The following CLIC5 variants were observed in gnomAD, a reference collection of about 807,000 sequenced individuals.
The protein encoded by CLIC5 is chloride intracellular channel protein 5.
A neutral mutation model predicts 24.7 loss-of-function variants in CLIC5; 20 were observed. The observed-to-expected ratio is 0.81, with a 90% CI of 0.57 to 1.18. CLIC5 has a LOEUF of 1.18. Ranked by LOEUF, CLIC5 falls within the 50% of genes most tolerant of loss-of-function variation. The pLI is 0.00. For missense variants in CLIC5, 341 were observed against 326.1 expected (o/e 1.05, Z -0.35); for synonymous variants, 159 against 135.6 (o/e 1.17, Z -1.20).
chr6:46,050,712 T>C (rs544967520), intron 1 of CLIC5, among the ~76,000 whole-genome samples: 1 of 152,186 alleles, frequency 6.6e-6, no homozygotes, highest in East Asian at 1.9e-4. Flanking sequence ...TGAGACACTT[T>C]TGAGATGGCT....
chr6:45,883,340 C>T (rs747138698), intron 6 of CLIC5, among the ~76,000 whole-genome samples: 1 of 152,164 alleles, frequency 6.6e-6, no homozygotes, highest in East Asian at 1.9e-4. Flanking sequence ...TGGAATCCTT[C>T]ATTTTACTCA....
In CLIC5 at chr6:46,048,547, C is replaced by T. The variant is rs564722716; in HGVS notation, c.540+31156G>A. 2.0e-5 allele frequency among the ~76,000 whole-genome samples: 3 copies of T among 152,136 alleles called. No homozygotes were observed. The South Asian group carries it at 6.2e-4, about 32-fold the overall frequency. On this transcript the variant is annotated intron_variant, in intron 1 of 5. Transcript: ENST00000185206. ...TCTCTTTGCCAGTGGTAAATGGCCT[C>T]CTTTTCTCAAAACTCACCTTGGCTG...
chr6:45,955,712 T>C (rs1238494981), intron 1 of CLIC5, among the ~76,000 whole-genome samples: 1 of 152,114 alleles, frequency 6.6e-6, no homozygotes, highest in Non-Finnish European at 1.5e-5. Context: ...CTAGCCAAAA[T>C]ATGTTCCTCT....
chr6:45,959,670 A>G (rs550507011), intron 1 of CLIC5, among the ~76,000 whole-genome samples: 2 of 152,298 alleles, frequency 1.3e-5, no homozygotes, highest in Admixed American at 1.3e-4. Flanking sequence ...AGTCTGAGTA[A>G]GCATGGTGTG....
chr6:46,014,712 C>T (rs1766934001), intron 1 of CLIC5: 1 of 152,266 alleles, frequency 6.6e-6, no homozygotes, highest in South Asian at 2.1e-4. Context: ...TCCATCCTTC[C>T]TCCTACAGGT....
At chr6:46,070,540 G>C (rs1427566708) in intron 1 of CLIC5, among the ~76,000 whole-genome samples, 1 of 151,944 alleles carries the variant, frequency 6.6e-6, no homozygotes, top group Non-Finnish European at 1.5e-5. Context: ...TTTACAATGA[G>C]AATTATAAAA....
At chr6:45,895,438 G>A (rs72870089), downstream of CLIC5, among the ~76,000 whole-genome samples, 3,098 of 152,224 alleles carry the variant, frequency 0.02, 42 homozygotes, top group Admixed American at 0.035. Flanking sequence ...AGAAGGATTC[G>A]TTCTTCAGAA....
chr6:45,959,831 C>A (rs911257590), intron 1 of CLIC5, among the ~76,000 whole-genome samples: 1 of 152,174 alleles, frequency 6.6e-6, no homozygotes, highest in Admixed American at 6.5e-5. Context: ...TTTCATCAAC[C>A]AGAATGTTTA....
chr6:46,025,004 A>G (rs1414388547), intron 1 of CLIC5, among the ~76,000 whole-genome samples: 1 of 152,182 alleles, frequency 6.6e-6, no homozygotes, highest in Non-Finnish European at 1.5e-5. Flanking sequence ...TACAGAATAA[A>G]AGTTAAAAAA....
At chr6:46,096,244 C>A in the CLIC5 span, among the ~76,000 whole-genome samples, 4 of 152,206 alleles carry the variant, frequency 2.6e-5, no homozygotes, top group African/African-American at 9.6e-5. Flanking sequence ...CACCTCCCAC[C>A]AGCCCTCACC....
chr6:45,946,914 G>A (rs1218444618), intron 3 of CLIC5, among the ~76,000 whole-genome samples: 1 of 152,224 alleles, frequency 6.6e-6, no homozygotes, highest in Non-Finnish European at 1.5e-5. Context: ...CCTGAGAGTA[G>A]TGGATTGTTA....
At chr6:45,992,607 C>T (rs1190338003) in intron 1 of CLIC5, among the ~76,000 whole-genome samples, 1 of 152,064 alleles carries the variant, frequency 6.6e-6, no homozygotes, top group Non-Finnish European at 1.5e-5. Context: ...GCATGGGTGG[C>T]CTGTATGTGA....
intron 1 of CLIC5, among the ~76,000 whole-genome samples, chr6:46,042,892 A>G (rs1767847125): frequency 6.6e-6 from 1 of 152,180 alleles, no homozygotes; most frequent in African/African-American, 2.4e-5. Flanking sequence ...GTGCTCTACT[A>G]CATGCCTCCC....
intron 1 of CLIC5, among the ~76,000 whole-genome samples, chr6:46,060,834 A>G (rs768868320): frequency 5.3e-5 from 8 of 152,186 alleles, no homozygotes; most frequent in Non-Finnish European, 8.8e-5. Context: ...TGAGCATTAT[A>G]TGCTCTAGAA....
At chr6:46,092,996 C>T in the CLIC5 span, among the ~76,000 whole-genome samples, 53 of 152,224 alleles carry the variant, frequency 3.5e-4, no homozygotes, top group African/African-American at 1.2e-3. Flanking sequence ...TTGTCTCTTA[C>T]CCCTCCCCAA....
chr6:46,014,197 G>GTT (rs1766909296), intron 1 of CLIC5: 2 of 152,232 alleles, frequency 1.3e-5, no homozygotes, highest in African/African-American at 4.8e-5. Flanking sequence ...ACAAACCTTT[G>GTT]TGGTAGGCTG....
chr6:46,006,057 TACATGTATAA>T (rs1185672466), intron 1 of CLIC5, among the ~76,000 whole-genome samples: 1 of 137,192 alleles, frequency 7.3e-6, no homozygotes, highest in Non-Finnish European at 1.5e-5. Flanking sequence ...AATATATATA[TACATGTATAA>T]ATATATATAT....
At chr6:45,894,800 G>T (rs1455793621), downstream of CLIC5, among the ~76,000 whole-genome samples, 1 of 152,188 alleles carries the variant, frequency 6.6e-6, no homozygotes, top group East Asian at 1.9e-4. Context: ...TAATGTAAAA[G>T]CTTTGAATCC....
intron 1 of CLIC5, among the ~76,000 whole-genome samples, chr6:46,020,877 A>G (rs1049002882): frequency 1.1e-4 from 16 of 152,012 alleles, no homozygotes; most frequent in Non-Finnish European, 1.5e-4. Flanking sequence ...AGAAGTAGAT[A>G]ACCTGAATAG....
Sources: gnomAD v4.1 joint callset for allele counts (sites outside exome capture counted in the v4.1 genomes callset) on GRCh38, gnomAD v4.1.1 for gene constraint, MANE v1.5 for transcripts, NCBI Gene and HGNC (gene_info 2026-07-23, HGNC 2026-07-21) for gene names.